RNF220: variants seen among roughly 807,000 people sequenced by gnomAD.
RNF220 encodes the protein E3 ubiquitin-protein ligase RNF220.
RNF220 carries 7 observed loss-of-function variants against 67.1 expected under a neutral mutation model. The observed-to-expected ratio is 0.10, with a 90% CI of 0.06 to 0.20. The LOEUF (loss-of-function observed/expected upper bound fraction) is 0.20, where lower values mean the gene tolerates loss of function less well. RNF220 is among the 10% of genes least tolerant of loss of function. The pLI is 1.00. For missense variants in RNF220, 565 were observed against 740.3 expected, an observed-to-expected ratio of 0.76 and a Z score of 2.75; for synonymous variants, 270 against 283.2, an observed-to-expected ratio of 0.95 and a Z score of 0.47.
Position 44,521,370 on chromosome 1 carries a change from G to A in RNF220, c.626-92795G>A, listed in dbSNP as rs140811727. Among the ~76,000 whole-genome samples, 584 of 152,306 alleles carry A rather than the reference G, an allele frequency of 3.8e-3. 5 individuals are homozygous for A. Among genetic ancestry groups the A allele is most frequent in the African/African-American group, 0.013 (560 of 41,566 alleles). ...AAACCAGGGAGACACATTCTTTGCCGTCATGGAGTTTACACATGGGATGAC... is the reference window on the plus strand; with the variant it reads ...AAACCAGGGAGACACATTCTTTGCCATCATGGAGTTTACACATGGGATGAC... On this transcript the variant is annotated intron_variant, in intron 2 of 14. Transcript: ENST00000361799.
chr1:44,525,777 C>T (rs1660323193), intron 2 of RNF220, among the ~76,000 whole-genome samples: 1 of 152,222 alleles, frequency 6.6e-6, no homozygotes, highest in Non-Finnish European at 1.5e-5. Flanking sequence ...TCTGCTGCAG[C>T]ATCCTGCACT....
At chr1:44,424,633 C>G (rs574352978) in intron 2 of RNF220, among the ~76,000 whole-genome samples, 47 of 152,290 alleles carry the variant, frequency 3.1e-4, no homozygotes, top group Admixed American at 1.3e-3. Flanking sequence ...TGCTCACAAA[C>G]AGTACCTTCC....
intron 2 of RNF220, among the ~76,000 whole-genome samples, chr1:44,570,831 TG>T (rs1664387752): frequency 6.6e-6 from 1 of 152,276 alleles, no homozygotes; most frequent in African/African-American, 2.4e-5. Context: ...CCCAGCACTT[TG>T]GAAGGTCAAG....
intron 2 of RNF220, among the ~76,000 whole-genome samples, chr1:44,517,294 CCT>C (rs1044579012): frequency 6.6e-6 from 1 of 152,116 alleles, no homozygotes; most frequent in African/African-American, 2.4e-5. Context: ...AGACCTGCCC[CCT>C]GTCTTCCCGG....
At chr1:44,647,066 T>C (rs1410712789) in intron 12 of RNF220, among the ~76,000 whole-genome samples, 1 of 152,120 alleles carries the variant, frequency 6.6e-6, no homozygotes, top group East Asian at 1.9e-4. Flanking sequence ...CCAGGATAGG[T>C]AGGCTCTGGA....
At chr1:44,633,469 A>G (rs912936210) in intron 6 of RNF220, among the ~76,000 whole-genome samples, 1 of 152,206 alleles carries the variant, frequency 6.6e-6, no homozygotes, top group Non-Finnish European at 1.5e-5. Context: ...TTTCCCTACC[A>G]CACTTTGGTA....
At chr1:44,549,609 C>T (rs12566533) in intron 2 of RNF220, among the ~76,000 whole-genome samples, 19,872 of 152,180 alleles carry the variant, frequency 0.13, 2,556 homozygotes, top group East Asian at 0.49. Flanking sequence ...CCTCCCAGTT[C>T]TGCTTCCCCA....
At chr1:44,440,442 T>C (rs941576547) in intron 2 of RNF220, among the ~76,000 whole-genome samples, 3 of 152,238 alleles carry the variant, frequency 2.0e-5, no homozygotes, top group Non-Finnish European at 1.5e-5. Context: ...GACCCTGGCA[T>C]TGGGGCTAAT....
At position 44,621,195 on chromosome 1, in the gene RNF220, C is replaced by T. The variant is rs1490893133; in HGVS notation, c.759-1547C>T. 6.6e-6 allele frequency among the ~76,000 whole-genome samples: 1 copy of T among 152,182 alleles called. No homozygotes were observed. The highest frequency in any genetic ancestry group is 1.5e-5 in the Non-Finnish European group (1 of 68,024). On this transcript the variant is annotated intron_variant, in intron 3 of 14. Coordinates refer to ENST00000361799, the MANE Select transcript of RNF220 (RefSeq NM_018150.4). The surrounding 1 kb of genome is among the most constrained non-coding windows in gnomAD (Gnocchi z 4.8). ...CCTCACAAAGTGCTGGGATTATAGG[C>T]GTGAGCCACTGCACCGGACCATGCA... is the stretch of plus-strand genomic sequence containing the variant.
In RNF220 at chr1:44,644,506, G is replaced by T. The variant is rs1363506799; in HGVS notation, c.1127-192G>T. 1.0e-5 allele frequency: 6 copies of T among 572,538 alleles called. No homozygotes were observed. In the East Asian group the frequency reaches 1.7e-4, roughly 17 times the overall value. The allele number at this position is 572,538 out of a possible 1,614,324, so 35.5% of individuals were successfully genotyped here. On this transcript the variant is annotated intron_variant, in intron 8 of 14. Transcript: ENST00000361799. ...GCAGCATGCAGTAGCAGAGAAAGAT[G>T]AGGTTTGCAGAGTGAAGGGCCTGAA... is the stretch of plus-strand genomic sequence containing the variant.
intron 2 of RNF220, among the ~76,000 whole-genome samples, chr1:44,556,027 T>C (rs112913921): frequency 1.3e-5 from 2 of 150,084 alleles, no homozygotes; most frequent in African/African-American, 5.0e-5. Context: ...CCCACCAGAC[T>C]ATGTGCTTCT....
At chr1:44,462,146 G>A (rs2147963608) in intron 2 of RNF220, among the ~76,000 whole-genome samples, 1 of 151,684 alleles carries the variant, frequency 6.6e-6, no homozygotes, top group East Asian at 1.9e-4. Context: ...TGTTGGCCAG[G>A]CTCATCTCAA....
At chr1:44,641,874 A>G (rs550457912) in intron 8 of RNF220, among the ~76,000 whole-genome samples, 9 of 152,324 alleles carry the variant, frequency 5.9e-5, no homozygotes. Flanking sequence ...TTTGGCAAAC[A>G]AAGTGTGTCG....
At position 44,627,344 on chromosome 1, in the gene RNF220, C is replaced by CA. The variant is rs35722890; in HGVS notation, c.906+972dup. ...TGGGTGACAGAGCAAGACTCCGTCT[C>CA]AAAAAAAAAAAAAAAAAAAAAAAAA... On this transcript the variant is annotated intron_variant, in intron 5 of 14. Coordinates refer to ENST00000361799, the MANE Select transcript of RNF220 (RefSeq NM_018150.4). Among the ~76,000 whole-genome samples, 810 of 42,224 alleles carry CA rather than the reference C, an allele frequency of 0.019. 177 individuals are homozygous for CA. In the East Asian group the frequency reaches 0.36, roughly 19 times the overall value. 27.7% of individuals were successfully genotyped at this position (42,224 alleles called of 152,430 possible).
At chr1:44,631,310 T>G (rs968267532) in intron 5 of RNF220, among the ~76,000 whole-genome samples, 1 of 152,198 alleles carries the variant, frequency 6.6e-6, no homozygotes, top group African/African-American at 2.4e-5. Flanking sequence ...ATGAGAAAAT[T>G]AGCGACCTTT....
At position 44,650,599 on chromosome 1, in the gene RNF220, T is replaced by G. The variant is rs577412108; in HGVS notation, c.1630-105T>G. 270 of 1,261,340 alleles carry G rather than the reference T, an allele frequency of 2.1e-4. No homozygotes were observed. Among genetic ancestry groups the G allele is most frequent in the Non-Finnish European group, 2.8e-4 (243 of 875,320 alleles). 78.1% of individuals were successfully genotyped at this position (1,261,340 alleles called of 1,614,324 possible). ...CCAGCCTGGGCTGACAGGACCAAGG[T>G]CTCAGCACACACTGGTGCAGAGAGA... On this transcript the variant is annotated intron_variant, in intron 14 of 14. Transcript: ENST00000361799. The surrounding 1 kb of genome is among the most constrained non-coding windows in gnomAD (Gnocchi z 4.3).
At position 44,636,187 on chromosome 1, in the gene RNF220, T is replaced by C. The variant is rs147921318; in HGVS notation, c.1126+25T>C. 1.0e-5 allele frequency: 16 copies of C among 1,582,912 alleles called. No homozygotes were observed. The African/African-American group carries it at 1.6e-4, about 16-fold the overall frequency. On this transcript the variant is annotated intron_variant, in intron 8 of 14. Transcript: ENST00000361799. The stretch of plus-strand genomic sequence containing the variant: ...GGTACAAGCAGCTGACACGTAGACA[T>C]TGGCACTCTGGTGCCAGGCCTCTGC...
intron 8 of RNF220, among the ~76,000 whole-genome samples, chr1:44,640,768 C>T (rs148977652): frequency 3.9e-4 from 60 of 152,290 alleles, no homozygotes; most frequent in Middle Eastern, 3.4e-3. Flanking sequence ...CAATCGATGG[C>T]GTTTACACAA....
Position 44,616,098 on chromosome 1 carries a change from C to T in RNF220, c.758+1801C>T, listed in dbSNP as rs182440581. On this transcript the variant is annotated intron_variant, in intron 3 of 14. Coordinates refer to ENST00000361799, the MANE Select transcript of RNF220 (RefSeq NM_018150.4). ...CAGCTTGAATTTCCCTATGACATGGCAGCTGACTTCCCACAGAGCATGCAG... is the reference window on the plus strand; with the variant it reads ...CAGCTTGAATTTCCCTATGACATGGTAGCTGACTTCCCACAGAGCATGCAG... Among the ~76,000 whole-genome samples, 18 of 152,322 alleles carry T rather than the reference C, an allele frequency of 1.2e-4. No homozygotes were observed. The East Asian group carries it at 3.3e-3, about 28-fold the overall frequency.
Sources: allele counts gnomAD v4.1 joint callset (sites outside exome capture counted in the v4.1 genomes callset), GRCh38; gene constraint gnomAD v4.1.1; non-coding constraint Gnocchi (gnomAD v3.1); transcripts MANE v1.5; gene names NCBI Gene and HGNC (gene_info 2026-07-23, HGNC 2026-07-21).